DLG2: variants seen among roughly 807,000 people sequenced by gnomAD.
DLG2 encodes disks large homolog 2.
In DLG2, 45 loss-of-function variants were observed where a neutral mutation model predicts 132.5. The ratio of observed to expected loss-of-function variants is 0.34; its 90% CI spans 0.27 to 0.44. The LOEUF (loss-of-function observed/expected upper bound fraction) is 0.44, where lower values mean the gene tolerates loss of function less well. Among genes scored for constraint, DLG2 ranks in the 20% least tolerant of loss-of-function variants. DLG2 has a pLI of 1.00. For synonymous variants in DLG2, 424 were observed against 419.6 expected (o/e 1.01, Z -0.13); for missense variants, 1,045 against 1,196.9 (o/e 0.87, Z 1.87).
intron 18 of DLG2, among the ~76,000 whole-genome samples, chr11:83,691,683 A>T (rs1332526974): frequency 6.6e-6 from 1 of 152,174 alleles, no homozygotes; most frequent in Non-Finnish European, 1.5e-5. Flanking sequence ...AAGCCGATAG[A>T]AGATACTCTG....
chr11:84,417,337 T>C (rs1257757316), intron 7 of DLG2, among the ~76,000 whole-genome samples: 1 of 152,198 alleles, frequency 6.6e-6, no homozygotes, highest in African/African-American at 2.4e-5. Context: ...TAATGTGAGG[T>C]TGAAATGCAA....
At chr11:84,154,955 A>G (rs1566736607) in intron 9 of DLG2, among the ~76,000 whole-genome samples, 1 of 152,188 alleles carries the variant, frequency 6.6e-6, no homozygotes, top group Non-Finnish European at 1.5e-5. Flanking sequence ...AGCAAAAGAA[A>G]CTACCATCAG....
chr11:83,537,141 A>G (rs2095899508), intron 20 of DLG2, among the ~76,000 whole-genome samples: 1 of 152,204 alleles, frequency 6.6e-6, no homozygotes. Context: ...TACCAAAAAC[A>G]TAAATGGAAT....
At chr11:85,135,806 T>C (rs921803107) in intron 5 of DLG2, among the ~76,000 whole-genome samples, 6 of 152,210 alleles carry the variant, frequency 3.9e-5, no homozygotes, top group African/African-American at 1.2e-4. Context: ...AATCTACTTA[T>C]GTGGAAACAC....
chr11:84,214,468 T>C (rs866121130), intron 8 of DLG2, among the ~76,000 whole-genome samples: 5 of 151,872 alleles, frequency 3.3e-5, no homozygotes, highest in South Asian at 4.1e-4. Flanking sequence ...TCTGAGTATA[T>C]CTATATGTAT....
At chr11:84,508,919 A>G (rs60699056) in intron 7 of DLG2, among the ~76,000 whole-genome samples, 6,995 of 152,302 alleles carry the variant, frequency 0.046, 177 homozygotes, top group Middle Eastern at 0.095. Context: ...AGGAATATGG[A>G]CTATATGGAC....
At chr11:85,445,617 T>C (rs2091975272) in intron 3 of DLG2, among the ~76,000 whole-genome samples, 1 of 152,040 alleles carries the variant, frequency 6.6e-6, no homozygotes, top group Admixed American at 6.6e-5. Flanking sequence ...GAGGTGGAGG[T>C]TGCAGTGAGC....
At chr11:84,298,455 G>A (rs77371678) in intron 7 of DLG2, among the ~76,000 whole-genome samples, 1,608 of 152,162 alleles carry the variant, frequency 0.011, 24 homozygotes, top group African/African-American at 0.036. Flanking sequence ...TTGCGACCCC[G>A]CCTTGCCAAA....
chr11:85,080,197 G>A (rs895744014), intron 6 of DLG2, among the ~76,000 whole-genome samples: 1 of 151,996 alleles, frequency 6.6e-6, no homozygotes, highest in Non-Finnish European at 1.5e-5. Context: ...TTTAGTAGTG[G>A]GGTGGGGCAT....
At chr11:84,497,144 C>A (rs1038789770) in intron 7 of DLG2, among the ~76,000 whole-genome samples, 4 of 152,104 alleles carry the variant, frequency 2.6e-5, no homozygotes, top group African/African-American at 9.7e-5. Context: ...ATGTTTAGCA[C>A]AAGGTTTGCA....
intron 6 of DLG2, among the ~76,000 whole-genome samples, chr11:84,820,291 G>C (rs935297739): frequency 6.6e-6 from 1 of 151,724 alleles, no homozygotes; most frequent in African/African-American, 2.4e-5. Flanking sequence ...CCTTGTGATG[G>C]CCTTACTTCA....
At chr11:83,506,628 A>G (rs2094715978) in intron 21 of DLG2, among the ~76,000 whole-genome samples, 1 of 152,208 alleles carries the variant, frequency 6.6e-6, no homozygotes, top group Non-Finnish European at 1.5e-5. Context: ...ATCTCCTCAG[A>G]CAAATGTGGA....
intron 6 of DLG2, among the ~76,000 whole-genome samples, chr11:84,835,329 TA>T (rs990335820): frequency 8.6e-5 from 13 of 151,696 alleles, no homozygotes; most frequent in African/African-American, 3.1e-4. Flanking sequence ...ACCTACATTT[TA>T]ATCTTCCTGT....
At chr11:85,530,380 G>C (rs886950242) in intron 3 of DLG2, among the ~76,000 whole-genome samples, 2 of 151,312 alleles carry the variant, frequency 1.3e-5, no homozygotes, top group African/African-American at 4.8e-5. Flanking sequence ...GAGTGCAGTG[G>C]CATGATCTTG....
chr11:85,455,428 G>T (rs2092389598), intron 3 of DLG2, among the ~76,000 whole-genome samples: 1 of 152,200 alleles, frequency 6.6e-6, no homozygotes, highest in South Asian at 2.1e-4. Flanking sequence ...TTTAGGCAGA[G>T]ACTATAGAGT....
chr11:85,254,581 T>C (rs2076568674), intron 4 of DLG2, among the ~76,000 whole-genome samples: 1 of 152,238 alleles, frequency 6.6e-6, no homozygotes, highest in African/African-American at 2.4e-5. Context: ...AAAAAAGTCA[T>C]GAAATGATAG....
At chr11:84,146,877 CCTT>C (rs1305338191) in intron 9 of DLG2, among the ~76,000 whole-genome samples, 5 of 152,074 alleles carry the variant, frequency 3.3e-5, no homozygotes, top group Admixed American at 1.3e-4. Context: ...TTCTCTTTCT[CCTT>C]CTTTCCCTCT....
intron 7 of DLG2, among the ~76,000 whole-genome samples, chr11:84,303,493 C>T (rs1398179494): frequency 6.6e-6 from 1 of 152,146 alleles, no homozygotes; most frequent in Non-Finnish European, 1.5e-5. Context: ...ACAGAGTATA[C>T]AGAAACTAAT....
chr11:85,213,100 T>C (rs1011424089), intron 4 of DLG2, among the ~76,000 whole-genome samples: 6 of 152,096 alleles, frequency 3.9e-5, no homozygotes, highest in East Asian at 1.9e-4. Context: ...AAAAACCATA[T>C]AGATAAATGT....
Sources: gnomAD v4.1 joint callset for allele counts (sites outside exome capture counted in the v4.1 genomes callset) on GRCh38, gnomAD v4.1.1 for gene constraint, MANE v1.5 for transcripts, NCBI Gene and HGNC (gene_info 2026-07-23, HGNC 2026-07-21) for gene names.